Variants in ITGAV observed in about 807,000 individuals in gnomAD.
The protein encoded by ITGAV is integrin subunit alpha V, also known as integrin alpha-V.
Under a neutral mutation model 143.8 loss-of-function variants are expected in ITGAV, and 76 were observed. The ratio of observed to expected loss-of-function variants is 0.53; its 90% CI spans 0.44 to 0.64. ITGAV has a LOEUF of 0.64. ITGAV is among the 30% of genes least tolerant of loss of function. The pLI, the probability that ITGAV is intolerant of heterozygous loss-of-function variation, is 0.00. For synonymous variants in ITGAV, 453 were observed against 446.7 expected (o/e 1.01, Z -0.18); for missense variants, 1,193 against 1,274.7 (o/e 0.94, Z 0.98).
At chr2:186,644,769 C>T (rs529419416) in intron 12 of ITGAV, among the ~76,000 whole-genome samples, 127 of 151,704 alleles carry the variant, frequency 8.4e-4, no homozygotes, top group Admixed American at 2.1e-3. Context: ...AAATCAGAGT[C>T]TACTCATGTC....
At chr2:186,667,450 AT>A (rs1688931801) in intron 23 of ITGAV, among the ~76,000 whole-genome samples, 1 of 152,144 alleles carries the variant, frequency 6.6e-6, no homozygotes. Context: ...GCACAAAATA[AT>A]TTTGTTGAAC....
At chr2:186,629,392 C>T (rs531396663) in intron 4 of ITGAV, among the ~76,000 whole-genome samples, 15 of 151,896 alleles carry the variant, frequency 9.9e-5, no homozygotes, top group African/African-American at 3.6e-4. Flanking sequence ...TGAAATAGTT[C>T]CCCAGATGCA....
Position 186,659,194 on chromosome 2 carries a change from C to A in ITGAV, c.1857+19C>A, listed in dbSNP as rs61763060. 4 of 1,447,278 alleles carry A rather than the reference C, an allele frequency of 2.8e-6. No homozygotes were observed. Among genetic ancestry groups the A allele is most frequent in the Non-Finnish European group, 2.7e-6 (3 of 1,093,536 alleles). The allele number at this position is 1,447,278 out of a possible 1,614,324, so 89.7% of individuals were successfully genotyped here. On this transcript the variant is annotated intron_variant, in intron 18 of 29. Coordinates refer to ENST00000261023, the MANE Select transcript of ITGAV (RefSeq NM_002210.5). ...TCGACAGGTACTGTACTCAGTTTAC[C>A]ACTAATGTGATATTTTGTTATTTTT...
intron 21 of ITGAV, 150 bp downstream of exon 21, chr2:186,665,368 TG>T (rs1208421423): frequency 3.2e-6 from 2 of 615,496 alleles, no homozygotes; most frequent in Non-Finnish European, 2.8e-6. Context: ...AGCAGAGTTT[TG>T]CTTAGTTTTA....
At chr2:186,599,115 C>G (rs144665237) in intron 1 of ITGAV, among the ~76,000 whole-genome samples, 1 of 152,222 alleles carries the variant, frequency 6.6e-6, no homozygotes, top group African/African-American at 2.4e-5. Flanking sequence ...GTAAATGTTT[C>G]CTTTGCCAGA....
chr2:186,676,306 A>G, intron 28 of ITGAV: 1 of 169,834 alleles, frequency 5.9e-6, no homozygotes. Flanking sequence ...TGGATTATTT[A>G]AAAATCATTT....
At chr2:186,598,757 G>C (rs946877687) in intron 1 of ITGAV, among the ~76,000 whole-genome samples, 2 of 152,106 alleles carry the variant, frequency 1.3e-5, no homozygotes, top group African/African-American at 4.8e-5. Context: ...GACTTTTGCT[G>C]AATGAAAACT....
chr2:186,649,648 A>C (rs1688368744), intron 13 of ITGAV, among the ~76,000 whole-genome samples, 192 bp from the exon 14 acceptor site: 1 of 152,176 alleles, frequency 6.6e-6, no homozygotes, highest in African/African-American at 2.4e-5. Flanking sequence ...ACTTTATGAT[A>C]AGCATTTTCC....
At chr2:186,616,597 T>C (rs1687371151) in intron 2 of ITGAV, among the ~76,000 whole-genome samples, 1 of 152,200 alleles carries the variant, frequency 6.6e-6, no homozygotes, top group African/African-American at 2.4e-5. Flanking sequence ...TATTTCAAAA[T>C]AGCATTGGGT....
In ITGAV at chr2:186,678,039, T is replaced by C. The variant is rs1388797668; in HGVS notation, c.*747T>C. On this transcript the variant is annotated 3_prime_UTR_variant, in exon 30 of 30. Transcript: ENST00000261023. Reference sequence around the variant, plus strand: ...GTTCCATAATCACAAATGGCTCTTTTGTGTAATTGTTTAATTTCACCTGAA... The same window carrying C: ...GTTCCATAATCACAAATGGCTCTTTCGTGTAATTGTTTAATTTCACCTGAA... The C allele has an allele frequency of 2.0e-5, 3 of 152,130 alleles. No homozygotes were observed. Among genetic ancestry groups the C allele is most frequent in the Non-Finnish European group, 4.4e-5 (3 of 67,968 alleles). 9.4% of individuals were successfully genotyped at this position (152,130 alleles called of 1,614,324 possible). A position where few individuals can be genotyped will look rare whatever the true frequency, so the allele number is the denominator to read the frequency against.
In ITGAV at chr2:186,669,795, A is replaced by G. The variant is rs1287077492; in HGVS notation, c.2687A>G (p.Glu896Gly). ...LITKRDLALS[E>G]GDIHTLGCGV... ...ACTAAGCGGGATCTTGCCCTCAGTG[A>G]AGGAGATATTCACACTTTGGTAAGT... The change falls in exon 26 of 30, where the codon GAA becomes GGA. Residue 896 changes from glutamate (E) to glycine (G), a missense_variant. Transcript: ENST00000261023. 8 of 1,613,114 alleles carry G rather than the reference A, an allele frequency of 5.0e-6. No individual in the cohort carries two copies. Among genetic ancestry groups the G allele is most frequent in the Non-Finnish European group, 6.8e-6 (8 of 1,179,210 alleles).
chr2:186,647,237 G>GT (rs1688288823), intron 13 of ITGAV, among the ~76,000 whole-genome samples: 2 of 115,230 alleles, frequency 1.7e-5, no homozygotes, highest in African/African-American at 6.4e-5. Flanking sequence ...TAATAGTTGT[G>GT]ATTTTTTTTT....
chr2:186,670,292 T>TTTTG (rs61764165), intron 26 of ITGAV, among the ~76,000 whole-genome samples: 40,798 of 151,514 alleles, frequency 0.27, 5,586 homozygotes, highest in South Asian at 0.38. Flanking sequence ...GTATAGTGTT[T>TTTTG]TTTGTTTGTT....
At chr2:186,654,559 A>G in intron 15 of ITGAV, 91 bp from the exon 16 acceptor site, 3 of 625,344 alleles carry the variant, frequency 4.8e-6, no homozygotes, top group South Asian at 2.3e-5. Flanking sequence ...CACAATACAA[A>G]CTATGTAGTA....
intron 17 of ITGAV, among the ~76,000 whole-genome samples, chr2:186,658,384 T>C (rs112249233): frequency 6.6e-6 from 1 of 152,180 alleles, no homozygotes; most frequent in Non-Finnish European, 1.5e-5. Flanking sequence ...AGAATTCTTA[T>C]ACATTGCGGA....
In ITGAV at chr2:186,678,711, T is replaced by A. The variant is rs1689278921; in HGVS notation, c.*1419T>A. ...TTCACAGTTCCTCAAGGCCTGGGGA[T>A]GATGATCAGTTATACCTATTTTTGT... On this transcript the variant is annotated 3_prime_UTR_variant, in exon 30 of 30. Transcript: ENST00000261023. 2.2e-6 allele frequency: 1 copy of A among 455,646 alleles called. No individual in the cohort carries two copies. The highest frequency in any genetic ancestry group is 1.6e-5 in the South Asian group (1 of 64,448). The allele number at this position is 455,646 out of a possible 1,614,324, so 28.2% of individuals were successfully genotyped here. A position where few individuals can be genotyped will look rare whatever the true frequency, so the allele number is the denominator to read the frequency against.
chr2:186,590,375 C>G lies in ITGAV; in HGVS notation c.37C>G (p.Pro13Ala). The change falls in exon 1 of 30, where the codon CCC (proline) becomes GCC (alanine). Residue 13 changes from proline (P) to alanine (A), a missense_variant. Physicochemically the swap from Pro to Ala is conservative, Grantham distance 27 (BLOSUM62 -1). Transcript: ENST00000261023. ...FPPRRRLRLG[P>A]RGLPLLLSGL... ...GCCGCGGCGACGGCTGCGCCTCGGT[C>G]CCCGCGGCCTCCCGCTTCTTCTCTC... is the stretch of plus-strand genomic sequence containing the variant. The G allele has an allele frequency of 6.3e-7, 1 of 1,597,118 alleles. No individual in the cohort carries two copies. The highest frequency in any genetic ancestry group is 1.1e-5 in the South Asian group (1 of 89,710).
intron 2 of ITGAV, among the ~76,000 whole-genome samples, chr2:186,609,254 A>G (rs987624129): frequency 1.3e-5 from 2 of 152,178 alleles, no homozygotes; most frequent in Non-Finnish European, 2.9e-5. Context: ...AACTAATTTT[A>G]CTTTGTGTTT....
At chr2:186,644,677 G>C (rs1688203235) in intron 12 of ITGAV, among the ~76,000 whole-genome samples, 1 of 152,080 alleles carries the variant, frequency 6.6e-6, no homozygotes, top group Admixed American at 6.6e-5. Context: ...ACATAAGTTA[G>C]GTACTCATTT....
Sources: allele counts gnomAD v4.1 joint callset (sites outside exome capture counted in the v4.1 genomes callset), GRCh38; gene constraint gnomAD v4.1.1; transcripts MANE v1.5; gene names NCBI Gene and HGNC (gene_info 2026-07-23, HGNC 2026-07-21).